Variants in DYSF observed in about 807,000 individuals in gnomAD.
The protein encoded by DYSF is dystrophy-associated fer-1-like 1.
A neutral mutation model predicts 274.9 loss-of-function variants in DYSF; 212 were observed. That is an observed-to-expected ratio of 0.77 (90% CI 0.69 to 0.86). The LOEUF (loss-of-function observed/expected upper bound fraction) is 0.86. DYSF is among the 40% of genes least tolerant of loss of function. DYSF has a pLI of 0.00. For synonymous variants in DYSF, 1,091 were observed against 1,078.7 expected (o/e 1.01, Z -0.22); for missense variants, 2,666 against 2,783.2 (o/e 0.96, Z 0.95).
intron 17 of DYSF, among the ~76,000 whole-genome samples, chr2:71,545,294 G>A (rs150174583): frequency 4.3e-4 from 66 of 152,340 alleles, no homozygotes; most frequent in African/African-American, 1.4e-3. Flanking sequence ...CAAAGGTAGA[G>A]AATTGTACAG....
intron 51 of DYSF, among the ~76,000 whole-genome samples, chr2:71,671,301 C>G (rs2095117145): frequency 6.6e-6 from 1 of 152,196 alleles, no homozygotes; most frequent in Non-Finnish European, 1.5e-5. Flanking sequence ...GCAGGTTGAG[C>G]CTCATTTGCT....
intron 32 of DYSF, among the ~76,000 whole-genome samples, chr2:71,591,538 G>A (rs137934039): frequency 6.6e-6 from 1 of 152,384 alleles, no homozygotes; most frequent in East Asian, 1.9e-4. Context: ...GCCCTGTGAA[G>A]TAGGTGGTCA....
chr2:71,679,417 C>G (rs545718598), intron 53 of DYSF, among the ~76,000 whole-genome samples, 182 bp downstream of exon 53: 2 of 152,096 alleles, frequency 1.3e-5, no homozygotes, highest in South Asian at 4.2e-4. Context: ...CCTCCCAATT[C>G]CCGGTCGCCT....
Position 71,564,052 on chromosome 2 carries a change from G to T in DYSF, c.2410-6G>T, listed in dbSNP as rs113640471. 1 of 1,613,992 alleles carries T rather than the reference G, an allele frequency of 6.2e-7. No homozygotes were observed. The highest frequency in any genetic ancestry group is 2.2e-5 in the East Asian group (1 of 44,866). On this transcript the variant is annotated splice_region_variant and splice_polypyrimidine_tract_variant and intron_variant, in intron 23 of 55. Transcript: ENST00000410020. ...ATCCCCACCCCGACCACCACCCTCT[G>T]TTCAGCCCCAGAACAGCCTGCCGGA... is the stretch of plus-strand genomic sequence containing the variant.
At position 71,650,830 on chromosome 2, in the gene DYSF, G is replaced by A. The variant is rs143642031; in HGVS notation, c.4627-5332G>A. Reference sequence around the variant, plus strand: ...GAAAGCACAGAACATCTAGGAAACAGTGCTAAAACACTACATATTAGAACT... The same window carrying A: ...GAAAGCACAGAACATCTAGGAAACAATGCTAAAACACTACATATTAGAACT... On this transcript the variant is annotated intron_variant, in intron 42 of 55. Transcript: ENST00000410020. 3.8e-3 allele frequency among the ~76,000 whole-genome samples: 580 copies of A among 152,282 alleles called. 6 individuals are homozygous for A. Among genetic ancestry groups the A allele is most frequent in the African/African-American group, 0.013 (543 of 41,558 alleles).
At position 71,567,951 on chromosome 2, in the gene DYSF, T is replaced by C; in HGVS notation, c.2566T>C (p.Tyr856His). 1.9e-6 allele frequency: 3 copies of C among 1,614,116 alleles called. No homozygotes were observed. Among genetic ancestry groups the C allele is most frequent in the Non-Finnish European group, 2.5e-6 (3 of 1,180,012 alleles). The part of the protein sequence containing the change: ...CGKLQTIFLK[Y>H]PMEKVPGARM... ...GTTTCTGTCCTTCTCTGGTACCCAG[T>C]ATCCGATGGAGAAGGTGCCTGGCGC... The change falls in exon 25 of 56, where the codon TAT becomes CAT. Residue 856 changes from tyrosine (Y) to histidine (H), a missense_variant and splice_region_variant. Transcript: ENST00000410020.
At chr2:71,545,253 A>G (rs768044895) in intron 17 of DYSF, among the ~76,000 whole-genome samples, 3 of 152,258 alleles carry the variant, frequency 2.0e-5, no homozygotes, top group African/African-American at 4.8e-5. Context: ...TTAAAGGGCA[A>G]CTTTTAATTA....
intron 55 of DYSF, among the ~76,000 whole-genome samples, chr2:71,684,423 A>G (rs1284685214): frequency 6.6e-6 from 1 of 152,210 alleles, no homozygotes; most frequent in Non-Finnish European, 1.5e-5. Flanking sequence ...GTGTTCAGTT[A>G]GCCACAGAGA....
At chr2:71,669,380 T>C (rs1001480052) in intron 50 of DYSF, among the ~76,000 whole-genome samples, 173 bp downstream of exon 50, 2 of 152,178 alleles carry the variant, frequency 1.3e-5, no homozygotes, top group Non-Finnish European at 2.9e-5. Context: ...CCACCAGATT[T>C]CTTTTTCTGC....
chr2:71,624,672 C>T (rs78197025), intron 41 of DYSF, among the ~76,000 whole-genome samples: 86 of 151,868 alleles, frequency 5.7e-4, no homozygotes, highest in African/African-American at 1.9e-3. Flanking sequence ...AAAAAATGAC[C>T]GACAATCATG....
At chr2:71,493,851 C>CAAAAAAAAAA (rs145288384) in intron 3 of DYSF, among the ~76,000 whole-genome samples, 9 of 69,282 alleles carry the variant, frequency 1.3e-4, no homozygotes, top group East Asian at 4.6e-4. Flanking sequence ...TACTCTGTCT[C>CAAAAAAAAAA]AAAAAAAAAA....
intron 3 of DYSF, among the ~76,000 whole-genome samples, chr2:71,493,765 T>C (rs528604172): frequency 7.2e-4 from 106 of 147,648 alleles, no homozygotes; most frequent in Non-Finnish European, 1.4e-3. Context: ...GGCAGGAGAA[T>C]TGCTTGAACC....
chr2:71,643,649 C>T (rs1480596218), intron 41 of DYSF, among the ~76,000 whole-genome samples: 2 of 152,196 alleles, frequency 1.3e-5, no homozygotes, highest in East Asian at 3.8e-4. Flanking sequence ...GCAGGAACTA[C>T]AAAGATGCTT....
chr2:71,529,364 C>T (rs112125239), intron 14 of DYSF, among the ~76,000 whole-genome samples: 2,083 of 152,348 alleles, frequency 0.014, 52 homozygotes, highest in African/African-American at 0.048. Context: ...AATTTTTGAA[C>T]AGCCCAGGCC....
intron 41 of DYSF, among the ~76,000 whole-genome samples, chr2:71,635,064 A>G (rs2094376859): frequency 6.6e-6 from 1 of 152,122 alleles, no homozygotes; most frequent in Non-Finnish European, 1.5e-5. Context: ...CCCACAGCCA[A>G]TTCCTCTGGC....
intron 17 of DYSF, among the ~76,000 whole-genome samples, chr2:71,543,104 C>T (rs1462762069): frequency 4.1e-5 from 6 of 145,290 alleles, no homozygotes; most frequent in Non-Finnish European, 6.1e-5. Flanking sequence ...CACTTCCAGA[C>T]GGGGCGGCTG....
chr2:71,477,616 C>T (rs1342909644), intron 1 of DYSF, among the ~76,000 whole-genome samples: 3 of 152,188 alleles, frequency 2.0e-5, no homozygotes, highest in Non-Finnish European at 4.4e-5. Flanking sequence ...CTGGGAAGAT[C>T]TACGTAACTG....
At chr2:71,473,144 C>T (rs1386425068) in intron 1 of DYSF, among the ~76,000 whole-genome samples, 1 of 152,120 alleles carries the variant, frequency 6.6e-6, no homozygotes, top group African/African-American at 2.4e-5. Context: ...GACAGCTGCC[C>T]AGTTCTTGGG....
At position 71,537,223 on chromosome 2, in the gene DYSF, G is replaced by GTTTTGTTTTTTTTTTTTTTTTTTTT. The variant is rs1553536523; in HGVS notation, c.1493+1916_1493+1917insGTTTTTTTTTTTTTTTTTTTTTTTT. ...CAGGAAATTTTTACTTTCTAGTTTT[G>GTTTTGTTTTTTTTTTTTTTTTTTTT]TTTTTTTTTTTTTTTTTTTTTTTGC... On this transcript the variant is annotated intron_variant, in intron 16 of 55. Coordinates refer to ENST00000410020, the MANE Select transcript of DYSF (RefSeq NM_001130987.2). Among the ~76,000 whole-genome samples the GTTTTGTTTTTTTTTTTTTTTTTTTT allele has an allele frequency of 2.5e-5, 2 of 79,626 alleles. 1 individual carries two copies. The highest frequency in any genetic ancestry group is 4.7e-5 in the Non-Finnish European group (2 of 42,268). 52.2% of individuals were successfully genotyped at this position (79,626 alleles called of 152,430 possible).
Sources: gnomAD v4.1 joint callset for allele counts (sites outside exome capture counted in the v4.1 genomes callset) on GRCh38, gnomAD v4.1.1 for gene constraint, MANE v1.5 for transcripts, NCBI Gene and HGNC (gene_info 2026-07-23, HGNC 2026-07-21) for gene names.